The following KIRREL3 variants were observed in gnomAD, a reference collection of about 807,000 sequenced individuals.
The protein encoded by KIRREL3 is kirre like nephrin family adhesion molecule 3.
Under a neutral mutation model 89.7 loss-of-function variants are expected in KIRREL3, and 36 were observed. The ratio of observed to expected loss-of-function variants is 0.40; its 90% CI spans 0.31 to 0.53. KIRREL3 has a LOEUF of 0.53. Among genes scored for constraint, KIRREL3 ranks in the 20% least tolerant of loss-of-function variants. The pLI is 0.49. For synonymous variants in KIRREL3, 445 were observed against 441.4 expected, an observed-to-expected ratio of 1.01 and a Z score of -0.10; for missense variants, 864 against 1,056.6, an observed-to-expected ratio of 0.82 and a Z score of 2.53.
In KIRREL3 at chr11:126,523,082, C is replaced by T. The variant is rs1213064802; in HGVS notation, c.284-1618G>A. Among the ~76,000 whole-genome samples the T allele has an allele frequency of 6.6e-6, 1 of 152,204 alleles. No individual in the cohort carries two copies. Among genetic ancestry groups the T allele is most frequent in the Non-Finnish European group, 1.5e-5 (1 of 68,032 alleles). On this transcript the variant is annotated intron_variant, in intron 3 of 16. Coordinates refer to ENST00000525144, the MANE Select transcript of KIRREL3 (RefSeq NM_032531.4). The surrounding 1 kb of genome is among the most constrained non-coding windows in gnomAD (Gnocchi z 4.9). ...GGGCATGTTCCTGAGCTCCCAAGGG[C>T]AGCACCAGCACCAACAGGCAGAATT...
At chr11:126,945,394 C>T (rs1460219669) in intron 1 of KIRREL3, among the ~76,000 whole-genome samples, 2 of 152,206 alleles carry the variant, frequency 1.3e-5, no homozygotes, top group Non-Finnish European at 2.9e-5. Context: ...CCTCCTTCCT[C>T]ACCCTCCTTC....
intron 1 of KIRREL3, among the ~76,000 whole-genome samples, chr11:126,798,675 G>C (rs1405084035): frequency 6.6e-6 from 1 of 152,126 alleles, no homozygotes; most frequent in Non-Finnish European, 1.5e-5. Flanking sequence ...GGTTCTTCCA[G>C]GTCCTTTTGA....
Position 126,905,214 on chromosome 11 carries a change from C to G in KIRREL3, c.55+95241G>C, listed in dbSNP as rs559284842. 6.6e-6 allele frequency among the ~76,000 whole-genome samples: 1 copy of G among 152,162 alleles called. No individual in the cohort carries two copies. Among genetic ancestry groups the G allele is most frequent in the South Asian group, 2.1e-4 (1 of 4,804 alleles). On this transcript the variant is annotated intron_variant, in intron 1 of 16. Transcript: ENST00000525144. This position sits in a 1 kb window ranked among gnomAD's most constrained non-coding sequence, Gnocchi z 5.0. ...TTGAAGGCAGGGCTTGGCTTACTTC[C>G]AATAAGTCACCTTCCATGGCAAGGG...
At chr11:126,757,865 A>C (rs2134260769) in intron 1 of KIRREL3, among the ~76,000 whole-genome samples, 1 of 152,350 alleles carries the variant, frequency 6.6e-6, no homozygotes, top group South Asian at 2.1e-4. Flanking sequence ...CTGTACATTG[A>C]GATACTAGAC....
At position 126,724,606 on chromosome 11, in the gene KIRREL3, C is replaced by T. The variant is rs141331817; in HGVS notation, c.56-161694G>A. ...GGATGAAGAAGTTTCTTCAGCTGCTCTGTAGATATGTCATGTCGAGATTGA... is the reference window on the plus strand; with the variant it reads ...GGATGAAGAAGTTTCTTCAGCTGCTTTGTAGATATGTCATGTCGAGATTGA... On this transcript the variant is annotated intron_variant, in intron 1 of 16. Transcript: ENST00000525144. The surrounding 1 kb of genome is among the most constrained non-coding windows in gnomAD (Gnocchi z 4.3). 6.6e-6 allele frequency among the ~76,000 whole-genome samples: 1 copy of T among 152,324 alleles called. No individual in the cohort carries two copies. The highest frequency in any genetic ancestry group is 1.9e-4 in the East Asian group (1 of 5,174).
In KIRREL3 at chr11:126,441,037, A is replaced by G. The variant is rs1955544823; in HGVS notation, c.1253-488T>C. On this transcript the variant is annotated intron_variant, in intron 10 of 16. Transcript: ENST00000525144. The surrounding 1 kb of genome is among the most constrained non-coding windows in gnomAD (Gnocchi z 5.0). ...AGGGCGCCCTTGCCTAACAAATGGG[A>G]GCTGCTCGGCCAGACGGGCCAACGG... is the stretch of plus-strand genomic sequence containing the variant. Among the ~76,000 whole-genome samples the G allele has an allele frequency of 6.6e-6, 1 of 152,188 alleles. No individual in the cohort carries two copies. The highest frequency in any genetic ancestry group is 1.9e-4 in the East Asian group (1 of 5,184).
rs1450475035 is a variant in KIRREL3, at chr11:126,519,232, G to A, written c.433+2083C>T. The stretch of plus-strand genomic sequence containing the variant: ...CCTAAGACAAAATCGGGTCTGTTCA[G>A]GTTGGATCCTGAGGCCCTGCTCTGA... On this transcript the variant is annotated intron_variant, in intron 4 of 16. Coordinates refer to ENST00000525144, the MANE Select transcript of KIRREL3 (RefSeq NM_032531.4). This position sits in a 1 kb window ranked among gnomAD's most constrained non-coding sequence, Gnocchi z 4.3. Among the ~76,000 whole-genome samples, 5 of 152,224 alleles carry A rather than the reference G, an allele frequency of 3.3e-5. No homozygotes were observed. The East Asian group carries it at 9.6e-4, about 29-fold the overall frequency.
chr11:126,947,686 T>C (rs1814981701), intron 1 of KIRREL3, among the ~76,000 whole-genome samples: 1 of 152,230 alleles, frequency 6.6e-6, no homozygotes, highest in African/African-American at 2.4e-5. Flanking sequence ...AGAGATGGGA[T>C]GGGATAGCTG....
At chr11:126,445,717 G>A (rs766202812) in intron 9 of KIRREL3, among the ~76,000 whole-genome samples, 20 of 152,184 alleles carry the variant, frequency 1.3e-4, no homozygotes, top group Non-Finnish European at 2.1e-4. Context: ...ATAATGCAGC[G>A]TCTGCTACAT....
rs1056568933 is a variant in KIRREL3 at position 126,516,260 on chromosome 11, C to T, written c.433+5055G>A. Among the ~76,000 whole-genome samples, 2 of 152,082 alleles carry T rather than the reference C, an allele frequency of 1.3e-5. No individual in the cohort carries two copies. The highest frequency in any genetic ancestry group is 2.9e-5 in the Non-Finnish European group (2 of 68,036). On this transcript the variant is annotated intron_variant, in intron 4 of 16. Coordinates refer to ENST00000525144, the MANE Select transcript of KIRREL3 (RefSeq NM_032531.4). This position sits in a 1 kb window ranked among gnomAD's most constrained non-coding sequence, Gnocchi z 4.9. ...GAAGCTTTATTTCTAACGGGAGCCA[C>T]AAGACAGCAGAGTTAATATTAGAAC...
rs1950646913 is a variant in KIRREL3 at position 126,791,736 on chromosome 11, A to G, written c.55+208719T>C. Among the ~76,000 whole-genome samples, 1 of 152,146 alleles carries G rather than the reference A, an allele frequency of 6.6e-6. No homozygotes were observed. Among genetic ancestry groups the G allele is most frequent in the African/African-American group, 2.4e-5 (1 of 41,432 alleles). ...AGTGAAAGAGGGAGAGGGAACAGAGAGGGATGGCCAGACCTTGCCTTCTTT... is the reference window on the plus strand; with the variant it reads ...AGTGAAAGAGGGAGAGGGAACAGAGGGGGATGGCCAGACCTTGCCTTCTTT... On this transcript the variant is annotated intron_variant, in intron 1 of 16. Coordinates refer to ENST00000525144, the MANE Select transcript of KIRREL3 (RefSeq NM_032531.4). This position sits in a 1 kb window ranked among gnomAD's most constrained non-coding sequence, Gnocchi z 4.8.
intron 1 of KIRREL3, among the ~76,000 whole-genome samples, chr11:126,853,998 G>A (rs4494313): frequency 6.6e-6 from 1 of 151,990 alleles, no homozygotes; most frequent in Non-Finnish European, 1.5e-5. Context: ...TCATCTCATG[G>A]GAGTCTCCTC....
chr11:126,561,375 T>A lies in KIRREL3; in HGVS notation c.133+1460A>T, dbSNP rs1194588644. 1.3e-5 allele frequency among the ~76,000 whole-genome samples: 2 copies of A among 152,204 alleles called. No individual in the cohort carries two copies. Among genetic ancestry groups the A allele is most frequent in the Non-Finnish European group, 2.9e-5 (2 of 68,034 alleles). ...AGGTCAGATATCTGGAGCTATGGGT[T>A]TCAATTCCAGCCCAGCTCCTGACTT... On this transcript the variant is annotated intron_variant, in intron 2 of 16. Transcript: ENST00000525144. This position sits in a 1 kb window ranked among gnomAD's most constrained non-coding sequence, Gnocchi z 4.5.
At position 126,652,110 on chromosome 11, in the gene KIRREL3, G is replaced by A. The variant is rs770127306; in HGVS notation, c.56-89198C>T. Among the ~76,000 whole-genome samples the A allele has an allele frequency of 6.6e-6, 1 of 152,174 alleles. No individual in the cohort carries two copies. Among genetic ancestry groups the A allele is most frequent in the Admixed American group, 6.5e-5 (1 of 15,276 alleles). ...GAGGAAGATAGGCACTAGTAGGTCT[G>A]ATCTGTCTGGAGGATTCCTTTAAAA... On this transcript the variant is annotated intron_variant, in intron 1 of 16. Transcript: ENST00000525144. This position sits in a 1 kb window ranked among gnomAD's most constrained non-coding sequence, Gnocchi z 4.9.
chr11:126,554,241 C>T lies in KIRREL3; in HGVS notation c.133+8594G>A, dbSNP rs140714340. ...GGATGAGTATTTCAGGTGGGTCCTG[C>T]GCACCCACCTTCCAAGACAGCTAAG... On this transcript the variant is annotated intron_variant, in intron 2 of 16. Coordinates refer to ENST00000525144, the MANE Select transcript of KIRREL3 (RefSeq NM_032531.4). Among the ~76,000 whole-genome samples, 175 of 152,260 alleles carry T rather than the reference C, an allele frequency of 1.1e-3. 1 individual carries two copies. In the East Asian group the frequency reaches 0.032, roughly 28 times the overall value.
At chr11:126,745,314 G>A (rs1949107775) in intron 1 of KIRREL3, among the ~76,000 whole-genome samples, 1 of 152,124 alleles carries the variant, frequency 6.6e-6, no homozygotes, top group African/African-American at 2.4e-5. Flanking sequence ...AACGGTGGAG[G>A]GAGGGGAAGA....
chr11:126,864,676 T>G (rs567372958), intron 1 of KIRREL3, among the ~76,000 whole-genome samples: 1 of 152,252 alleles, frequency 6.6e-6, no homozygotes, highest in Non-Finnish European at 1.5e-5. Flanking sequence ...GTGCTTCACA[T>G]GTATTCATCT....
In KIRREL3 at chr11:126,664,845, G is replaced by A. The variant is rs964487314; in HGVS notation, c.56-101933C>T. Among the ~76,000 whole-genome samples the A allele has an allele frequency of 6.6e-6, 1 of 152,110 alleles. No homozygotes were observed. The highest frequency in any genetic ancestry group is 6.6e-5 in the Admixed American group (1 of 15,262). On this transcript the variant is annotated intron_variant, in intron 1 of 16. Transcript: ENST00000525144. The surrounding 1 kb of genome is among the most constrained non-coding windows in gnomAD (Gnocchi z 5.4). ...ATGAACCTCTTGTGCCCTTAGACAG[G>A]GGGGCATTCCCTGCCTCAACCACAG...
intron 1 of KIRREL3, among the ~76,000 whole-genome samples, chr11:126,964,023 C>A (rs992523412): frequency 6.6e-6 from 1 of 152,120 alleles, no homozygotes. Context: ...CTTTCAAATC[C>A]CTTCAGTGCA....
Sources: gnomAD v4.1 joint callset for allele counts (sites outside exome capture counted in the v4.1 genomes callset) on GRCh38, gnomAD v4.1.1 for gene constraint, Gnocchi (gnomAD v3.1) non-coding constraint, MANE v1.5 for transcripts, NCBI Gene and HGNC (gene_info 2026-07-23, HGNC 2026-07-21) for gene names.